Variants in CERT1 observed in about 807,000 individuals in gnomAD.
CERT1 encodes the protein ceramide transporter 1, also known as ceramide transfer protein.
Under a neutral mutation model 87.9 loss-of-function variants are expected in CERT1, and 31 were observed. The ratio of observed to expected loss-of-function variants is 0.35; its 90% confidence interval spans 0.27 to 0.48. The LOEUF (loss-of-function observed/expected upper bound fraction) is 0.48, where lower values mean the gene tolerates loss of function less well. Among genes scored for constraint, CERT1 ranks in the 20% least tolerant of loss-of-function variants. The pLI, the probability that CERT1 is intolerant of heterozygous loss-of-function variation, is 0.99. For missense variants in CERT1, 487 were observed against 758.0 expected, an observed-to-expected ratio of 0.64 and a Z score of 4.20; for synonymous variants, 289 against 250.9, an observed-to-expected ratio of 1.15 and a Z score of -1.44.
intron 2 of CERT1, among the ~76,000 whole-genome samples, chr5:75,494,425 GC>G (rs1766961558): frequency 1.3e-5 from 2 of 152,094 alleles, no homozygotes; most frequent in African/African-American, 4.8e-5. Context: ...TAGCTAGTTT[GC>G]TTGCTTCCCT....
At chr5:75,494,984 T>C (rs954827117) in intron 2 of CERT1, among the ~76,000 whole-genome samples, 7 of 152,360 alleles carry the variant, frequency 4.6e-5, no homozygotes, top group African/African-American at 1.7e-4. Context: ...TGGGTTTATA[T>C]GTAAGTTTTC....
chr5:75,467,953 A>C (rs961674767), intron 2 of CERT1, among the ~76,000 whole-genome samples: 1 of 152,228 alleles, frequency 6.6e-6, no homozygotes, highest in African/African-American at 2.4e-5. Context: ...ATTACTTCTA[A>C]ATTTTACAAG....
At chr5:75,499,320 G>A (rs1767232007) in intron 2 of CERT1, among the ~76,000 whole-genome samples, 1 of 152,146 alleles carries the variant, frequency 6.6e-6, no homozygotes. Flanking sequence ...GGGGCAGAAT[G>A]ATACAGTTTG....
chr5:75,397,556 T>C (rs1367622036), intron 11 of CERT1, among the ~76,000 whole-genome samples: 1 of 152,220 alleles, frequency 6.6e-6, no homozygotes, highest in African/African-American at 2.4e-5. Context: ...GCTTACATTC[T>C]TTCTTTGCTG....
rs562644335 is a variant in CERT1 at position 75,476,712 on chromosome 5, C to T, written c.232-17531G>A. Among the ~76,000 whole-genome samples, 67 of 152,134 alleles carry T rather than the reference C, an allele frequency of 4.4e-4. 1 individual carries two copies. The highest frequency in any genetic ancestry group is 6.3e-4 in the Non-Finnish European group (43 of 67,982). The stretch of plus-strand genomic sequence containing the variant: ...GATAACTTGTTGGATATATCAAAAC[C>T]ATCAGAACTGGATAGTAAAATACTT... On this transcript the variant is annotated intron_variant, in intron 2 of 16. Transcript: ENST00000643780.
intron 15 of CERT1, 135 bp from the exon 16 acceptor site, chr5:75,381,336 A>G: frequency 1.0e-6 from 1 of 974,276 alleles, no homozygotes; most frequent in Non-Finnish European, 1.5e-6. Context: ...CACCAAGCTG[A>G]TATGACACCA....
At chr5:75,471,372 T>G (rs1055675093) in intron 2 of CERT1, among the ~76,000 whole-genome samples, 13 of 152,154 alleles carry the variant, frequency 8.5e-5, no homozygotes, top group Non-Finnish European at 1.5e-4. Context: ...ATAGAAATGG[T>G]TATGCATTAA....
At position 75,388,137 on chromosome 5, in the gene CERT1, C is replaced by T. The variant is rs148124921; in HGVS notation, c.1284+1455G>A. On this transcript the variant is annotated intron_variant, in intron 12 of 16. Transcript: ENST00000643780. ...ATTATCCAGCAATGCCAGGAACATGCTTAATTCTGGAGTAACAAGACCCTG... is the reference window on the plus strand; with the variant it reads ...ATTATCCAGCAATGCCAGGAACATGTTTAATTCTGGAGTAACAAGACCCTG... 1.3e-3 allele frequency among the ~76,000 whole-genome samples: 201 copies of T among 152,300 alleles called. 2 individuals are homozygous for T. The highest frequency in any genetic ancestry group is 4.6e-3 in the African/African-American group (192 of 41,556).
At chr5:75,468,753 AACAG>A (rs1561284862) in intron 2 of CERT1, among the ~76,000 whole-genome samples, 5 of 152,176 alleles carry the variant, frequency 3.3e-5, no homozygotes, top group Non-Finnish European at 7.3e-5. Context: ...TAACAGTTGC[AACAG>A]TCATGGGCTT....
At chr5:75,383,982 T>G (rs890621757) in intron 14 of CERT1, among the ~76,000 whole-genome samples, 1 of 152,198 alleles carries the variant, frequency 6.6e-6, no homozygotes, top group Admixed American at 6.5e-5. Context: ...TGTTTCTGTA[T>G]GCTCTGGTGT....
At chr5:75,426,666 T>C (rs1390049057) in intron 3 of CERT1, among the ~76,000 whole-genome samples, 188 bp from the exon 4 acceptor site, 2 of 152,224 alleles carry the variant, frequency 1.3e-5, no homozygotes, top group Admixed American at 1.3e-4. Context: ...TAGAAATTTA[T>C]TGAATACCTA....
At chr5:75,503,712 C>T (rs138361812) in intron 2 of CERT1, among the ~76,000 whole-genome samples, 18 of 151,718 alleles carry the variant, frequency 1.2e-4, no homozygotes, top group Non-Finnish European at 2.5e-4. Flanking sequence ...CTTGTTCCTA[C>T]GCATGTCTTT....
At chr5:75,508,847 T>G (rs113690415) in intron 1 of CERT1, among the ~76,000 whole-genome samples, 1 of 152,140 alleles carries the variant, frequency 6.6e-6, no homozygotes, top group African/African-American at 2.4e-5. Context: ...CAGTTTGGTG[T>G]GTGGAAAAAC....
chr5:75,431,652 T>C (rs1301665304), intron 3 of CERT1, among the ~76,000 whole-genome samples: 2 of 152,220 alleles, frequency 1.3e-5, no homozygotes, highest in East Asian at 3.8e-4. Context: ...CACTTATAAA[T>C]GAAAACATGC....
intron 6 of CERT1, 35 bp from the exon 7 acceptor site, chr5:75,417,068 A>G (rs761061745): frequency 2.1e-6 from 3 of 1,413,584 alleles, no homozygotes; most frequent in South Asian, 1.2e-5. Context: ...AAATATCTCT[A>G]ATGAGGAAAT....
chr5:75,434,057 T>C (rs1039806408), intron 3 of CERT1, among the ~76,000 whole-genome samples: 2 of 152,192 alleles, frequency 1.3e-5, no homozygotes, highest in East Asian at 1.9e-4. Context: ...GTGGACATCC[T>C]TGTCTTTTCC....
intron 12 of CERT1, among the ~76,000 whole-genome samples, chr5:75,387,613 G>A (rs1761850891): frequency 6.6e-6 from 1 of 151,564 alleles, no homozygotes; most frequent in Admixed American, 6.6e-5. Flanking sequence ...GTAGTGGCGG[G>A]TGCCTGTAAT....
intron 3 of CERT1, among the ~76,000 whole-genome samples, chr5:75,444,145 G>A (rs565655701): frequency 4.9e-4 from 74 of 151,714 alleles, no homozygotes; most frequent in African/African-American, 1.4e-3. Context: ...AACCCCTGCC[G>A]CCCAGGTTCA....
chr5:75,391,147 G>A (rs1398079617), intron 11 of CERT1, among the ~76,000 whole-genome samples: 1 of 152,138 alleles, frequency 6.6e-6, no homozygotes, highest in Admixed American at 6.6e-5. Context: ...TGTAGAGACA[G>A]GGTCTCGCCA....
Sources: gnomAD v4.1 joint callset for allele counts (sites outside exome capture counted in the v4.1 genomes callset) on GRCh38, gnomAD v4.1.1 for gene constraint, MANE v1.5 for transcripts, NCBI Gene and HGNC (gene_info 2026-07-23, HGNC 2026-07-21) for gene names.